GFRA2: variants seen among roughly 807,000 people sequenced by gnomAD.
GFRA2 encodes the protein GDNF family receptor alpha-2.
Under a neutral mutation model 48.3 loss-of-function variants are expected in GFRA2, and 17 were observed. That is an observed-to-expected ratio of 0.35 (90% CI 0.24 to 0.53). GFRA2 has a LOEUF of 0.53. GFRA2 is among the 20% of genes least tolerant of loss of function. The pLI, the probability that GFRA2 is intolerant of heterozygous loss-of-function variation, is 0.93. For missense variants in GFRA2, 660 were observed against 637.3 expected (o/e 1.04, Z -0.38); for synonymous variants, 305 against 257.2 (o/e 1.19, Z -1.78).
At chr8:21,693,621 T>G (rs924420657) in intron 8 of GFRA2, among the ~76,000 whole-genome samples, 6 of 151,972 alleles carry the variant, frequency 3.9e-5, no homozygotes, top group African/African-American at 1.5e-4. Flanking sequence ...CTGTCCCTTC[T>G]GGTCACAAGC....
Position 21,788,582 on chromosome 8 carries a change from C to A in GFRA2, c.-423G>T, listed in dbSNP as rs1039211588. 11 of 1,000,736 alleles carry A rather than the reference C, an allele frequency of 1.1e-5. No homozygotes were observed. In the South Asian group the frequency reaches 3.7e-4, roughly 34 times the overall value. 62.0% of individuals were successfully genotyped at this position (1,000,736 alleles called of 1,614,324 possible). A position where few individuals can be genotyped will look rare whatever the true frequency, so the allele number is the denominator to read the frequency against. ...TTGCGAGTGAAGGGCTGGAAGGAAG[C>A]GGCGAGGGAGGGGGTCGGAATAAAA... is the stretch of plus-strand genomic sequence containing the variant. On this transcript the variant is annotated 5_prime_UTR_variant, in exon 1 of 9. Coordinates refer to ENST00000524240, the MANE Select transcript of GFRA2 (RefSeq NM_001495.5).
intron 4 of GFRA2, among the ~76,000 whole-genome samples, chr8:21,746,906 T>G (rs1805034411): frequency 6.6e-6 from 1 of 152,136 alleles, no homozygotes; most frequent in African/African-American, 2.4e-5. Context: ...ATCTCAGGGC[T>G]GCAGGCCTGG....
chr8:21,775,680 G>T (rs1322171163), intron 2 of GFRA2, among the ~76,000 whole-genome samples: 1 of 152,172 alleles, frequency 6.6e-6, no homozygotes, highest in Non-Finnish European at 1.5e-5. Context: ...TTGCTGGAGG[G>T]GCTGAAGGTC....
chr8:21,779,263 G>A (rs941722933), intron 2 of GFRA2, among the ~76,000 whole-genome samples: 1 of 152,206 alleles, frequency 6.6e-6, no homozygotes, highest in Non-Finnish European at 1.5e-5. Context: ...AAGGGGCCTT[G>A]AAAACCACAC....
chr8:21,781,875 G>C (rs1318996421), intron 2 of GFRA2, among the ~76,000 whole-genome samples: 1 of 152,168 alleles, frequency 6.6e-6, no homozygotes, highest in African/African-American at 2.4e-5. Context: ...TTGGCGGGGG[G>C]ACTTATAGGT....
chr8:21,741,093 T>C (rs968690369), intron 4 of GFRA2, among the ~76,000 whole-genome samples: 11 of 152,212 alleles, frequency 7.2e-5, no homozygotes, highest in African/African-American at 2.7e-4. Flanking sequence ...GTAATCTTTC[T>C]TATCACAGTT....
intron 2 of GFRA2, among the ~76,000 whole-genome samples, chr8:21,797,258 C>G (rs1252367001): frequency 4.0e-5 from 6 of 148,818 alleles, no homozygotes; most frequent in African/African-American, 1.5e-4. Context: ...AATTGAGTGG[C>G]CTTTCTTTCT....
At chr8:21,790,981 T>A (rs1173550540), upstream of GFRA2, among the ~76,000 whole-genome samples, 2 of 152,072 alleles carry the variant, frequency 1.3e-5, no homozygotes, top group Non-Finnish European at 2.9e-5. Context: ...CTCCTCGACT[T>A]CCAGGGTCTT....
chr8:21,693,992 T>C (rs1802015091), intron 8 of GFRA2, among the ~76,000 whole-genome samples: 1 of 147,640 alleles, frequency 6.8e-6, no homozygotes, highest in Admixed American at 6.8e-5. Flanking sequence ...TATATATATA[T>C]ACGTCATATA....
chr8:21,794,041 A>G (rs987624909), intron 2 of GFRA2, among the ~76,000 whole-genome samples: 1 of 151,624 alleles, frequency 6.6e-6, no homozygotes, highest in Non-Finnish European at 1.5e-5. Context: ...CTTAGCAGAG[A>G]TGAGGTCTCC....
chr8:21,775,809 T>A (rs1392427152), intron 2 of GFRA2, among the ~76,000 whole-genome samples: 4 of 151,962 alleles, frequency 2.6e-5, no homozygotes, highest in Admixed American at 1.3e-4. Context: ...TTTGGGTGCC[T>A]TGGGGGCTCA....
intron 4 of GFRA2, among the ~76,000 whole-genome samples, chr8:21,731,678 G>A (rs147744693): frequency 4.6e-4 from 70 of 152,106 alleles, no homozygotes; most frequent in African/African-American, 1.5e-3. Flanking sequence ...TAATTCCAAC[G>A]CGTTCAATTA....
At chr8:21,770,269 C>T (rs1806380625) in intron 3 of GFRA2, among the ~76,000 whole-genome samples, 3 of 152,222 alleles carry the variant, frequency 2.0e-5, no homozygotes, top group Admixed American at 6.5e-5. Context: ...AACCTGCCAT[C>T]GAACCTTGGA....
At chr8:21,800,652 T>C (rs74304553) in intron 2 of GFRA2, among the ~76,000 whole-genome samples, 1,827 of 152,308 alleles carry the variant, frequency 0.012, 54 homozygotes, top group East Asian at 0.12. Flanking sequence ...GGGCCAGCCA[T>C]GGTGGCTCAC....
chr8:21,738,396 C>G (rs1754140595), intron 4 of GFRA2, among the ~76,000 whole-genome samples: 1 of 151,534 alleles, frequency 6.6e-6, no homozygotes, highest in East Asian at 1.9e-4. Flanking sequence ...TGCCCTCTGC[C>G]TTGGTCCTAT....
Position 21,743,335 on chromosome 8 carries a change from C to T in GFRA2, c.794+7253G>A, listed in dbSNP as rs148582408. On this transcript the variant is annotated intron_variant, in intron 4 of 8. Coordinates refer to ENST00000524240, the MANE Select transcript of GFRA2 (RefSeq NM_001495.5). ...GCTCAAGGCCAGATGGGCCCCTGAG[C>T]GAGATTTTACTTTTCTGTGACTCAT... Among the ~76,000 whole-genome samples the T allele has an allele frequency of 4.6e-5, 7 of 152,298 alleles. No homozygotes were observed. In the East Asian group the frequency reaches 1.2e-3, roughly 25 times the overall value.
At chr8:21,728,640 G>GAGA (rs1437258777) in intron 4 of GFRA2, among the ~76,000 whole-genome samples, 1 of 152,146 alleles carries the variant, frequency 6.6e-6, no homozygotes, top group Non-Finnish European at 1.5e-5. Flanking sequence ...CACATCTGGA[G>GAGA]AGAAAGTGCA....
chr8:21,774,287 G>A (rs1806583067), intron 3 of GFRA2, among the ~76,000 whole-genome samples: 1 of 152,052 alleles, frequency 6.6e-6, no homozygotes, highest in Non-Finnish European at 1.5e-5. Flanking sequence ...GCTTTACCTG[G>A]TGCCTACATG....
intron 4 of GFRA2, among the ~76,000 whole-genome samples, chr8:21,740,681 G>T (rs2117547060): frequency 6.6e-6 from 1 of 152,280 alleles, no homozygotes; most frequent in South Asian, 2.1e-4. Flanking sequence ...AGCTTTAAAT[G>T]CCATAAATAC....
Sources: gnomAD v4.1 joint callset for allele counts (sites outside exome capture counted in the v4.1 genomes callset) on GRCh38, gnomAD v4.1.1 for gene constraint, MANE v1.5 for transcripts, NCBI Gene and HGNC (gene_info 2026-07-23, HGNC 2026-07-21) for gene names.